Variants in CNTNAP2 observed in about 807,000 individuals in gnomAD.
The protein encoded by CNTNAP2 is contactin associated protein 2.
In CNTNAP2, 98 loss-of-function variants were observed where a neutral mutation model predicts 155.2. The observed-to-expected ratio is 0.63, with a 90% CI of 0.54 to 0.75. The LOEUF (loss-of-function observed/expected upper bound fraction) is 0.75, where lower values mean the gene tolerates loss of function less well. Ranked by LOEUF, CNTNAP2 falls within the 30% of genes least tolerant of loss-of-function variation. The pLI, the probability that CNTNAP2 is intolerant of heterozygous loss-of-function variation, is 0.00. For missense variants in CNTNAP2, 1,727 were observed against 1,688.1 expected, an observed-to-expected ratio of 1.02 and a Z score of -0.40; for synonymous variants, 651 against 631.2, an observed-to-expected ratio of 1.03 and a Z score of -0.47.
chr7:148,132,904 C>G (rs1029698090), intron 16 of CNTNAP2, among the ~76,000 whole-genome samples: 2 of 152,186 alleles, frequency 1.3e-5, no homozygotes, highest in African/African-American at 2.4e-5. Flanking sequence ...CTAATTCATT[C>G]AAATATATTA....
intron 8 of CNTNAP2, among the ~76,000 whole-genome samples, chr7:147,148,215 C>G (rs1402160746): frequency 6.6e-6 from 1 of 151,476 alleles, no homozygotes; most frequent in African/African-American, 2.4e-5. Flanking sequence ...ACGGTGAAAC[C>G]CCGTCTCTAC....
chr7:147,135,603 T>G (rs1229542968), intron 8 of CNTNAP2, among the ~76,000 whole-genome samples: 1 of 151,792 alleles, frequency 6.6e-6, no homozygotes, highest in Non-Finnish European at 1.5e-5. Flanking sequence ...AATTCAAAAC[T>G]CTGGGGAAGG....
intron 8 of CNTNAP2, among the ~76,000 whole-genome samples, chr7:147,292,959 G>C (rs536908988): frequency 2.6e-5 from 4 of 152,012 alleles, no homozygotes; most frequent in Non-Finnish European, 4.4e-5. Flanking sequence ...GTAGAGACGG[G>C]GTTTCACCAT....
intron 1 of CNTNAP2, among the ~76,000 whole-genome samples, chr7:146,628,531 GT>G (rs1799458639): frequency 6.6e-6 from 1 of 152,062 alleles, no homozygotes; most frequent in Non-Finnish European, 1.5e-5. Context: ...TAATGCATAT[GT>G]TAAATAGCTG....
At chr7:146,386,168 A>AT in intron 1 of CNTNAP2, among the ~76,000 whole-genome samples, 1 of 152,236 alleles carries the variant, frequency 6.6e-6, no homozygotes, top group Non-Finnish European at 1.5e-5. Context: ...GTATTTCTGA[A>AT]TAAGTATATT....
chr7:147,583,262 G>T (rs1325121259), intron 12 of CNTNAP2, among the ~76,000 whole-genome samples: 1 of 151,802 alleles, frequency 6.6e-6, no homozygotes, highest in African/African-American at 2.4e-5. Flanking sequence ...AGCTCCATTT[G>T]GGGGCTTAGA....
intron 10 of CNTNAP2, among the ~76,000 whole-genome samples, chr7:147,470,671 C>A (rs1342097716): frequency 6.6e-6 from 1 of 151,990 alleles, no homozygotes; most frequent in Admixed American, 6.6e-5. Context: ...GCCTGAAAAG[C>A]CAGAAGAATG....
chr7:148,009,786 T>G (rs116473070), intron 15 of CNTNAP2, among the ~76,000 whole-genome samples: 1,532 of 152,282 alleles, frequency 0.01, 26 homozygotes, highest in African/African-American at 0.035. Context: ...CGTTTATTTC[T>G]TTTTCTGTTT....
intron 17 of CNTNAP2, among the ~76,000 whole-genome samples, chr7:148,166,106 C>T (rs1033167493): frequency 6.6e-6 from 1 of 151,990 alleles, no homozygotes; most frequent in Non-Finnish European, 1.5e-5. Context: ...TCCCCCACCC[C>T]ACTCCAACTC....
intron 1 of CNTNAP2, among the ~76,000 whole-genome samples, chr7:146,318,505 T>C (rs1008137009): frequency 6.6e-6 from 1 of 152,162 alleles, no homozygotes; most frequent in African/African-American, 2.4e-5. Flanking sequence ...ATACTATCAC[T>C]TTTTCCTGTG....
intron 9 of CNTNAP2, among the ~76,000 whole-genome samples, chr7:147,372,504 CT>C (rs977538757): frequency 2.6e-5 from 4 of 152,068 alleles, no homozygotes; most frequent in African/African-American, 9.7e-5. Flanking sequence ...ATCCCAGGAA[CT>C]TTTTTCTCCC....
chr7:147,767,524 A>G (rs1797400974), intron 13 of CNTNAP2, among the ~76,000 whole-genome samples: 1 of 152,046 alleles, frequency 6.6e-6, no homozygotes, highest in African/African-American at 2.4e-5. Flanking sequence ...ATTTACTTTC[A>G]AGAAAAGCCC....
At chr7:147,237,914 T>G (rs571641662) in intron 8 of CNTNAP2, among the ~76,000 whole-genome samples, 101 of 152,366 alleles carry the variant, frequency 6.6e-4, no homozygotes, top group Non-Finnish European at 1.2e-3. Flanking sequence ...AATAAAAAGT[T>G]AATATAAAGT....
intron 1 of CNTNAP2, among the ~76,000 whole-genome samples, chr7:146,168,510 T>G (rs1227746689): frequency 6.6e-6 from 1 of 152,188 alleles, no homozygotes; most frequent in Admixed American, 6.5e-5. Flanking sequence ...TGCCCCTGTA[T>G]GTACCATCCT....
chr7:146,151,668 A>ATATG (rs1798047895), intron 1 of CNTNAP2, among the ~76,000 whole-genome samples: 1 of 47,652 alleles, frequency 2.1e-5, no homozygotes, highest in African/African-American at 7.8e-5. Context: ...ATATATATAT[A>ATATG]TATATATATA....
chr7:146,196,733 T>G (rs1344786875), intron 1 of CNTNAP2, among the ~76,000 whole-genome samples: 2 of 152,170 alleles, frequency 1.3e-5, no homozygotes, highest in Non-Finnish European at 2.9e-5. Context: ...TATATTTTTA[T>G]GTACTGTCAA....
rs137907145 is a variant in CNTNAP2, at chr7:147,511,821, G to T, written c.1777+25780G>T. Among the ~76,000 whole-genome samples the T allele has an allele frequency of 7.2e-3, 1,091 of 152,196 alleles. 13 individuals are homozygous for T. The highest frequency in any genetic ancestry group is 0.022 in the African/African-American group (922 of 41,538). On this transcript the variant is annotated intron_variant, in intron 11 of 23. Transcript: ENST00000361727. Reference sequence around the variant, plus strand: ...TTCTTATGTCCATTCTGGGCTGATTGTCCCTAAATAAGAGCTAACCTATTT... The same window carrying T: ...TTCTTATGTCCATTCTGGGCTGATTTTCCCTAAATAAGAGCTAACCTATTT...
chr7:146,887,809 T>A (rs557159491), intron 3 of CNTNAP2, among the ~76,000 whole-genome samples: 1 of 152,178 alleles, frequency 6.6e-6, no homozygotes, highest in Non-Finnish European at 1.5e-5. Flanking sequence ...TATTCACAGA[T>A]GTACACTTCA....
At chr7:147,929,971 C>T (rs879604778) in intron 14 of CNTNAP2, among the ~76,000 whole-genome samples, 14 of 152,154 alleles carry the variant, frequency 9.2e-5, no homozygotes, top group Admixed American at 2.6e-4. Context: ...GAATCTAATG[C>T]CGTCACTGAT....
Sources: allele counts gnomAD v4.1 joint callset (sites outside exome capture counted in the v4.1 genomes callset), GRCh38; gene constraint gnomAD v4.1.1; transcripts MANE v1.5; gene names NCBI Gene and HGNC (gene_info 2026-07-23, HGNC 2026-07-21).